Variants in ZNF793 observed in about 807,000 individuals in gnomAD.
ZNF793 encodes the protein zinc finger protein 793.
A neutral mutation model predicts 12.4 loss-of-function variants in ZNF793; 5 were observed. That is an observed-to-expected ratio of 0.40 (90% CI 0.21 to 0.84). The LOEUF (loss-of-function observed/expected upper bound fraction) is 0.84, where lower values mean the gene tolerates loss of function less well. ZNF793 is among the 40% of genes least tolerant of loss of function. ZNF793 has a pLI of 0.35. For synonymous variants in ZNF793, 162 were observed against 172.4 expected, an observed-to-expected ratio of 0.94 and a Z score of 0.47; for missense variants, 456 against 495.0, an observed-to-expected ratio of 0.92 and a Z score of 0.75.
At chr19:37,533,692 C>G (rs866583790) in intron 7 of ZNF793, 31 of 490,428 alleles carry the variant, frequency 6.3e-5, no homozygotes, top group African/African-American at 4.5e-4. Flanking sequence ...TTCCTGCTTC[C>G]TATTCTCTGT....
At chr19:37,506,504 C>T (rs1224699084), upstream of ZNF793, 2 of 152,206 alleles carry the variant, frequency 1.3e-5, no homozygotes, top group Non-Finnish European at 2.9e-5. Context: ...AAGAGTTTCA[C>T]ATTGCCATAG....
chr19:37,529,823 G>A (rs1225352974), intron 5 of ZNF793, among the ~76,000 whole-genome samples: 2 of 152,144 alleles, frequency 1.3e-5, no homozygotes, highest in African/African-American at 2.4e-5. Flanking sequence ...GGGGTGGGTT[G>A]CCCCTCCACA....
At chr19:37,512,691 T>C (rs1465405663) in intron 2 of ZNF793, among the ~76,000 whole-genome samples, 4 of 152,178 alleles carry the variant, frequency 2.6e-5, no homozygotes, top group Admixed American at 6.5e-5. Flanking sequence ...CTAGGTAATA[T>C]ACATTTTGTA....
At chr19:37,516,710 G>T (rs1041182897) in intron 2 of ZNF793, among the ~76,000 whole-genome samples, 3 of 151,518 alleles carry the variant, frequency 2.0e-5, no homozygotes, top group Admixed American at 6.6e-5. Context: ...ACAGTGGTAC[G>T]ATCTCAGCTC....
intron 3 of ZNF793, among the ~76,000 whole-genome samples, chr19:37,521,126 T>C (rs753223444): frequency 6.6e-6 from 1 of 152,022 alleles, no homozygotes; most frequent in Non-Finnish European, 1.5e-5. Flanking sequence ...TAGCTGGGAC[T>C]ACAGGTGTGT....
chr19:37,527,002 C>T (rs1184643739), intron 5 of ZNF793, among the ~76,000 whole-genome samples: 1 of 152,178 alleles, frequency 6.6e-6, no homozygotes, highest in African/African-American at 2.4e-5. Flanking sequence ...GGCTGGAGTG[C>T]AGTGGCACAA....
intron 5 of ZNF793, among the ~76,000 whole-genome samples, chr19:37,528,940 C>T (rs746319897): frequency 3.3e-5 from 5 of 152,126 alleles, no homozygotes; most frequent in Non-Finnish European, 4.4e-5. Context: ...TGATCTTGCT[C>T]CTGACACAAA....
At chr19:37,520,444 A>C (rs1424837128) in intron 3 of ZNF793, 132 bp downstream of exon 3, 1 of 152,352 alleles carries the variant, frequency 6.6e-6, no homozygotes, top group South Asian at 2.1e-4. Context: ...CTCTTGTCAG[A>C]GCAAAGACTC....
chr19:37,523,478 A>G, intron 5 of ZNF793, 24 bp downstream of exon 5: 1 of 1,612,414 alleles, frequency 6.2e-7, no homozygotes, highest in South Asian at 1.1e-5. Context: ...TAAGTAGCCC[A>G]GTTTTCCTTC....
At position 37,538,210 on chromosome 19, in the gene ZNF793, T is replaced by C. The variant is rs113524934; in HGVS notation, c.*331T>C. 6.9e-3 allele frequency: 1,444 copies of C among 209,188 alleles called. 7 individuals are homozygous for C. The highest frequency in any genetic ancestry group is 0.01 in the Non-Finnish European group (1,054 of 103,814). 13.0% of individuals were successfully genotyped at this position (209,188 alleles called of 1,614,324 possible). ...GATTACAGGCGTGAGCCACCGCGCC[T>C]GGCCGGTATGTAGGGAATTTATCCT... On this transcript the variant is annotated 3_prime_UTR_variant, in exon 8 of 8. Transcript: ENST00000627814.
chr19:37,521,437 T>A (rs1354652692), intron 3 of ZNF793, among the ~76,000 whole-genome samples: 1 of 145,568 alleles, frequency 6.9e-6, no homozygotes, highest in Non-Finnish European at 1.5e-5. Context: ...CTCTTTTTTT[T>A]TTTTTTTTTT....
intron 7 of ZNF793, chr19:37,534,541 T>G (rs967398040): frequency 6.6e-6 from 1 of 152,214 alleles, no homozygotes; most frequent in African/African-American, 2.4e-5. Flanking sequence ...CCACTTCATC[T>G]TGCTTATTAT....
intron 5 of ZNF793, 85 bp from the exon 6 acceptor site, chr19:37,532,271 T>G: frequency 6.6e-7 from 1 of 1,507,216 alleles, no homozygotes; most frequent in Non-Finnish European, 9.0e-7. Context: ...CCCAAAGTGC[T>G]GGGATTATAG....
At chr19:37,513,352 A>G (rs753113066) in intron 2 of ZNF793, among the ~76,000 whole-genome samples, 1 of 152,132 alleles carries the variant, frequency 6.6e-6, no homozygotes, top group Non-Finnish European at 1.5e-5. Context: ...TTCCTTCTGT[A>G]TTTATTGTAG....
At chr19:37,520,654 G>C (rs1476314838) in intron 3 of ZNF793, among the ~76,000 whole-genome samples, 2 of 152,144 alleles carry the variant, frequency 1.3e-5, no homozygotes, top group African/African-American at 4.8e-5. Flanking sequence ...TTCAGGAGAA[G>C]GGGGCATCTT....
rs564179562 is a variant in ZNF793 at position 37,542,441 on chromosome 19, T to A, written c.*4562T>A. The A allele has an allele frequency of 1.5e-5, 6 of 410,202 alleles. No homozygotes were observed. The highest frequency in any genetic ancestry group is 1.2e-4 in the African/African-American group (6 of 48,434). The allele number at this position is 410,202 out of a possible 1,614,324, so 25.4% of individuals were successfully genotyped here. A position where few individuals can be genotyped will look rare whatever the true frequency, so the allele number is the denominator to read the frequency against. ...TGTTAATATTATTAAAATATTTATG[T>A]CACTTTGGAGAATCTTCCCTTAGAA... On this transcript the variant is annotated 3_prime_UTR_variant, in exon 8 of 8. Coordinates refer to ENST00000627814, the MANE Select transcript of ZNF793 (RefSeq NM_001013659.3).
intron 2 of ZNF793, among the ~76,000 whole-genome samples, chr19:37,519,577 C>G (rs919590768): frequency 6.6e-6 from 1 of 152,022 alleles, no homozygotes; most frequent in Non-Finnish European, 1.5e-5. Flanking sequence ...ATATTTATAA[C>G]AAATATGACA....
At chr19:37,518,907 G>A (rs2042354306) in intron 2 of ZNF793, among the ~76,000 whole-genome samples, 1 of 152,120 alleles carries the variant, frequency 6.6e-6, no homozygotes, top group Admixed American at 6.6e-5. Flanking sequence ...ATTTTAGCGA[G>A]ACTAATTAGT....
At chr19:37,517,276 T>G (rs945164855) in intron 2 of ZNF793, among the ~76,000 whole-genome samples, 1 of 152,112 alleles carries the variant, frequency 6.6e-6, no homozygotes, top group Admixed American at 6.5e-5. Context: ...TGCCTTCATA[T>G]TTTAGTCTGT....
Sources: allele counts gnomAD v4.1 joint callset (sites outside exome capture counted in the v4.1 genomes callset), GRCh38; gene constraint gnomAD v4.1.1; transcripts MANE v1.5; gene names NCBI Gene and HGNC (gene_info 2026-07-23, HGNC 2026-07-21).